EXOSC1: variants seen among roughly 807,000 people sequenced by gnomAD.
The protein encoded by EXOSC1 is exosome complex component CSL4.
A neutral mutation model predicts 31.4 loss-of-function variants in EXOSC1; 27 were observed. The ratio of observed to expected loss-of-function variants is 0.86; its 90% CI spans 0.63 to 1.18. The LOEUF is 1.18. Among genes scored for constraint, EXOSC1 ranks in the 50% most tolerant of loss-of-function variants. The probability of loss-of-function intolerance (pLI) is 0.00; values close to 1 mark genes in which losing one functional copy is unlikely to be tolerated. For missense variants in EXOSC1, 228 were observed against 250.3 expected, an observed-to-expected ratio of 0.91 and a Z score of 0.60; for synonymous variants, 84 against 89.5, an observed-to-expected ratio of 0.94 and a Z score of 0.35.
intron 4 of EXOSC1, 196 bp downstream of exon 4, chr10:97,440,975 C>A: frequency 2.1e-6 from 1 of 466,912 alleles, no homozygotes; most frequent in Non-Finnish European, 3.8e-6. Flanking sequence ...TAAACCCTCT[C>A]GTTAATATTT....
intron 4 of EXOSC1, 47 bp from the exon 5 acceptor site, chr10:97,438,750 ATTTTTTTTTT>A: frequency 1.0e-6 from 1 of 996,476 alleles, no homozygotes; most frequent in South Asian, 1.5e-5. Flanking sequence ...GTGAGAAAGA[ATTTTTTTTTT>A]TTTTTTTTTT....
At chr10:97,439,765 G>C (rs1328336691) in intron 4 of EXOSC1, among the ~76,000 whole-genome samples, 2 of 152,078 alleles carry the variant, frequency 1.3e-5, no homozygotes, top group African/African-American at 4.8e-5. Context: ...CAAAAAGGTT[G>C]GGGACTGCTG....
At chr10:97,440,542 A>G (rs1236363618) in intron 4 of EXOSC1, among the ~76,000 whole-genome samples, 1 of 147,906 alleles carries the variant, frequency 6.8e-6, no homozygotes, top group Non-Finnish European at 1.5e-5. Flanking sequence ...TTTTAAAGAC[A>G]GAGTCTCGCT....
At position 97,436,203 on chromosome 10, in the gene EXOSC1, G is replaced by T; in HGVS notation, c.*242C>A. The T allele has an allele frequency of 2.5e-6, 1 of 407,654 alleles. No individual in the cohort carries two copies. The highest frequency in any genetic ancestry group is 2.6e-5 in the South Asian group (1 of 38,852). 25.3% of individuals were successfully genotyped at this position (407,654 alleles called of 1,614,324 possible). A position where few individuals can be genotyped will look rare whatever the true frequency, so the allele number is the denominator to read the frequency against. On this transcript the variant is annotated 3_prime_UTR_variant, in exon 8 of 8. Coordinates refer to ENST00000370902, the MANE Select transcript of EXOSC1 (RefSeq NM_016046.5). The stretch of plus-strand genomic sequence containing the variant: ...ATGTATTTATAAGGACTGTCAGGAG[G>T]GATAGGCTATTTCCAATATCACAGT...
In EXOSC1 at chr10:97,437,685, G is replaced by A. The variant is rs1306839980; in HGVS notation, c.396+15C>T. ...TTTGACAAAGGACCAGAAGTCTGCT[G>A]GGAATAAAGGATACCACTTTGGCCA... On this transcript the variant is annotated intron_variant, in intron 6 of 7. Coordinates refer to ENST00000370902, the MANE Select transcript of EXOSC1 (RefSeq NM_016046.5). The A allele has an allele frequency of 6.2e-7, 1 of 1,611,650 alleles. No individual in the cohort carries two copies. The highest frequency in any genetic ancestry group is 1.1e-5 in the South Asian group (1 of 91,038).
rs1416183221 is a variant in EXOSC1, at chr10:97,438,722, CA to C, written c.312-20del. The C allele has an allele frequency of 4.5e-6, 7 of 1,563,760 alleles. No individual in the cohort carries two copies. Among genetic ancestry groups the C allele is most frequent in the Non-Finnish European group, 2.6e-6 (3 of 1,144,216 alleles). The stretch of plus-strand genomic sequence containing the variant: ...TTCCTTGCTATAAAAAAAGAATTAA[CA>C]GAAAGATTAATTACCTGTGAGAAAG... On this transcript the variant is annotated intron_variant, in intron 4 of 7. Coordinates refer to ENST00000370902, the MANE Select transcript of EXOSC1 (RefSeq NM_016046.5).
intron 6 of EXOSC1, 134 bp from the exon 7 acceptor site, chr10:97,437,409 G>A: frequency 1.4e-6 from 1 of 694,276 alleles, no homozygotes. Context: ...GGAGTGCGGT[G>A]GCGTGATATC....
intron 3 of EXOSC1, among the ~76,000 whole-genome samples, chr10:97,442,224 C>T (rs2133154292): frequency 6.6e-6 from 1 of 151,970 alleles, no homozygotes; most frequent in South Asian, 2.1e-4. Flanking sequence ...TTTTGCTTCT[C>T]TGCAGAAAAA....
At chr10:97,445,706 G>A (rs2133167746) in intron 2 of EXOSC1, 26 bp downstream of exon 2, 1 of 1,607,954 alleles carries the variant, frequency 6.2e-7, no homozygotes, top group Non-Finnish European at 8.5e-7. Context: ...AAAAACAGAG[G>A]GGAGATGGCA....
Position 97,440,265 on chromosome 10 carries a change from C to T in EXOSC1, c.311+906G>A, listed in dbSNP as rs377634120. 1.8e-4 allele frequency among the ~76,000 whole-genome samples: 28 copies of T among 152,310 alleles called. No individual in the cohort carries two copies. In the South Asian group the frequency reaches 5.8e-3, roughly 32 times the overall value. On this transcript the variant is annotated intron_variant, in intron 4 of 7. Transcript: ENST00000370902. ...GGGATTACAGGCATGAGCCACCACG[C>T]CCAGCCTGCCTTCTACTTTGGTTTG...
At chr10:97,439,128 C>A (rs1183308582) in intron 4 of EXOSC1, among the ~76,000 whole-genome samples, 1 of 152,196 alleles carries the variant, frequency 6.6e-6, no homozygotes, top group Non-Finnish European at 1.5e-5. Flanking sequence ...GTAAATGGGA[C>A]ACAGCTGCTA....
intron 6 of EXOSC1, 51 bp from the exon 7 acceptor site, chr10:97,437,326 C>T (rs147866756): frequency 1.4e-5 from 20 of 1,385,446 alleles, no homozygotes; most frequent in Non-Finnish European, 1.9e-5. Flanking sequence ...AGTCTTCCCC[C>T]ACCTTAGCCA....
At chr10:97,438,905 C>T (rs1451196201) in intron 4 of EXOSC1, among the ~76,000 whole-genome samples, 1 of 151,962 alleles carries the variant, frequency 6.6e-6, no homozygotes, top group African/African-American at 2.4e-5. Context: ...GCACGTCCGC[C>T]ATGCCCAGCT....
chr10:97,437,584 G>A (rs1845580814), intron 6 of EXOSC1, 116 bp downstream of exon 6: 3 of 922,738 alleles, frequency 3.3e-6, no homozygotes, highest in South Asian at 2.7e-5. Context: ...CTGACCTCAG[G>A]TGATCCACCC....
chr10:97,437,571 C>T, intron 6 of EXOSC1, 129 bp downstream of exon 6: 2 of 817,312 alleles, frequency 2.4e-6, no homozygotes, highest in African/African-American at 1.7e-5. Context: ...TGGTCTCGAA[C>T]TCCTGACCTC....
At position 97,445,605 on chromosome 10, in the gene EXOSC1, A is replaced by T. The variant is rs192395648; in HGVS notation, c.147+127T>A. 1,397 of 802,514 alleles carry T rather than the reference A, an allele frequency of 1.7e-3. 5 individuals carry two copies. The highest frequency in any genetic ancestry group is 1.5e-3 in the Non-Finnish European group (791 of 511,988). 49.7% of individuals were successfully genotyped at this position (802,514 alleles called of 1,614,324 possible). On this transcript the variant is annotated intron_variant, in intron 2 of 7. Coordinates refer to ENST00000370902, the MANE Select transcript of EXOSC1 (RefSeq NM_016046.5). The stretch of plus-strand genomic sequence containing the variant: ...CCACAGCGGCGATACGGCTAGAAGA[A>T]ACTAAGAGACCAACATTGTACCACT...
At position 97,435,971 on chromosome 10, in the gene EXOSC1, A is replaced by G. The variant is rs1421384572; in HGVS notation, c.*474T>C. On this transcript the variant is annotated 3_prime_UTR_variant, in exon 8 of 8. Transcript: ENST00000370902. ...GCCTGCCTCACATGCTATCTGTATC[A>G]CCACGTGTCCTCAAATTTTCATTAA... Among the ~76,000 whole-genome samples, 4 of 152,152 alleles carry G rather than the reference A, an allele frequency of 2.6e-5. No homozygotes were observed. In the East Asian group the frequency reaches 7.7e-4, roughly 29 times the overall value.
At chr10:97,440,259 A>C (rs1306202638) in intron 4 of EXOSC1, among the ~76,000 whole-genome samples, 1 of 152,210 alleles carries the variant, frequency 6.6e-6, no homozygotes, top group Non-Finnish European at 1.5e-5. Flanking sequence ...GGCATGAGCC[A>C]CCACGCCCAG....
rs377316542 is a variant in EXOSC1, at chr10:97,439,241, G to A, written c.312-538C>T. ...GATCGGATTTGGCAAGAAAGGATAAGGAATTTCGTTGCCTCAGGGCTTGAA... is the reference window on the plus strand; with the variant it reads ...GATCGGATTTGGCAAGAAAGGATAAAGAATTTCGTTGCCTCAGGGCTTGAA... On this transcript the variant is annotated intron_variant, in intron 4 of 7. Transcript: ENST00000370902. 6.6e-5 allele frequency among the ~76,000 whole-genome samples: 10 copies of A among 152,300 alleles called. No homozygotes were observed. The East Asian group carries it at 1.7e-3, about 26-fold the overall frequency.
Sources: allele counts gnomAD v4.1 joint callset (sites outside exome capture counted in the v4.1 genomes callset), GRCh38; gene constraint gnomAD v4.1.1; transcripts MANE v1.5; gene names NCBI Gene and HGNC (gene_info 2026-07-23, HGNC 2026-07-21).